Variants in ITSN2 observed in about 807,000 individuals in gnomAD.
ITSN2 encodes intersectin 2.
Under a neutral mutation model 243.7 loss-of-function variants are expected in ITSN2, and 156 were observed. The ratio of observed to expected loss-of-function variants is 0.64; its 90% CI spans 0.56 to 0.73. ITSN2 has a LOEUF of 0.73. Among genes scored for constraint, ITSN2 ranks in the 30% least tolerant of loss-of-function variants. The pLI, the probability that ITSN2 is intolerant of heterozygous loss-of-function variation, is 0.00. For missense variants in ITSN2, 1,801 were observed against 1,996.1 expected (o/e 0.90, Z 1.86); for synonymous variants, 703 against 699.9 (o/e 1.00, Z -0.07).
At chr2:24,304,432 T>C (rs1682215885) in intron 8 of ITSN2, among the ~76,000 whole-genome samples, 1 of 152,256 alleles carries the variant, frequency 6.6e-6, no homozygotes, top group African/African-American at 2.4e-5. Flanking sequence ...AAAGCAACCA[T>C]GTATTACAAC....
At chr2:24,216,017 A>G (rs1669923191) in intron 32 of ITSN2, 32 bp downstream of exon 32, 1 of 1,530,898 alleles carries the variant, frequency 6.5e-7, no homozygotes. Context: ...CCTCAGAAGG[A>G]GCCTGACCCG....
At chr2:24,315,093 G>T in intron 3 of ITSN2, 39 bp downstream of exon 3, 2 of 1,065,958 alleles carry the variant, frequency 1.9e-6, no homozygotes, top group East Asian at 2.4e-5. Context: ...ATCACATAAG[G>T]ACCATAATTC....
rs1009179390 is a variant in ITSN2, at chr2:24,225,973, C to T, written c.3578-4907G>A. Among the ~76,000 whole-genome samples the T allele has an allele frequency of 6.6e-6, 1 of 152,198 alleles. No homozygotes were observed. The highest frequency in any genetic ancestry group is 1.5e-5 in the Non-Finnish European group (1 of 68,042). Reference sequence around the variant, plus strand: ...TAGAGTAGCCCTTAGCAAGCTGTGACCGCTGAACACATGCAGTGTTTCCAT... The same window carrying T: ...TAGAGTAGCCCTTAGCAAGCTGTGATCGCTGAACACATGCAGTGTTTCCAT... On this transcript the variant is annotated intron_variant, in intron 29 of 39. Transcript: ENST00000355123. The surrounding 1 kb of genome is among the most constrained non-coding windows in gnomAD (Gnocchi z 4.2).
rs779651749 is a variant in ITSN2 at position 24,221,058 on chromosome 2, C to T, written c.3586G>A (p.Asp1196Asn). 1 of 1,602,116 alleles carries T rather than the reference C, an allele frequency of 6.2e-7. No individual in the cohort carries two copies. The highest frequency in any genetic ancestry group is 1.8e-5 in the Admixed American group (1 of 56,994). Reference protein sequence around the residue: ...DSDPSQQWCADLQTLDTMQPI... With the variant: ...DSDPSQQWCANLQTLDTMQPI... ...TGCATTGTGTCCAGGGTTTGCAGAT[C>T]AGCACACCCTGTGGAAAAAACAGGG... Residue 1196 changes from aspartate (D) to asparagine (N), a missense_variant, in exon 30 of 40, where the codon GAT (aspartate) becomes AAT (asparagine). By Grantham distance (23) the Asp-to-Asn change is conservative. Coordinates refer to ENST00000355123, the MANE Select transcript of ITSN2 (RefSeq NM_006277.3).
chr2:24,315,357 T>C lies in ITSN2; in HGVS notation c.32-133A>G, dbSNP rs17046235. The C allele has an allele frequency of 3.7e-3, 1,984 of 530,600 alleles. 33 individuals are homozygous for C. The highest frequency in any genetic ancestry group is 0.035 in the African/African-American group (1,834 of 52,414). The allele number at this position is 530,600 out of a possible 1,614,324, so 32.9% of individuals were successfully genotyped here. On this transcript the variant is annotated intron_variant, in intron 2 of 39. Coordinates refer to ENST00000355123, the MANE Select transcript of ITSN2 (RefSeq NM_006277.3). ...ATTTGAGTGACACAAAGAGTAGAGC[T>C]CTATCATAACCATACATAGCACAGC... is the stretch of plus-strand genomic sequence containing the variant.
At position 24,317,385 on chromosome 2, in the gene ITSN2, C is replaced by CAAA. The variant is rs780304772; in HGVS notation, c.32-2164_32-2162dup. On this transcript the variant is annotated intron_variant, in intron 2 of 39. Transcript: ENST00000355123. Reference sequence around the variant, plus strand: ...CGCCGACAAGGGCAAGACGCAATCTCAAAAAAAAAAAAAAAGCGGCAACTA... The same window carrying CAAA: ...CGCCGACAAGGGCAAGACGCAATCTCAAAAAAAAAAAAAAAAAAGCGGCAACTA... Among the ~76,000 whole-genome samples the CAAA allele has an allele frequency of 4.4e-3, 499 of 113,488 alleles. 5 individuals carry two copies. The highest frequency in any genetic ancestry group is 0.016 in the African/African-American group (482 of 30,902). The allele number at this position is 113,488 out of a possible 152,430, so 74.5% of individuals were successfully genotyped here.
chr2:24,318,667 G>A (rs998779447), intron 2 of ITSN2, among the ~76,000 whole-genome samples: 1 of 152,144 alleles, frequency 6.6e-6, no homozygotes, highest in Non-Finnish European at 1.5e-5. Flanking sequence ...GACCTATTGT[G>A]AAAATTCAGG....
chr2:24,331,060 C>T (rs539532341), intron 1 of ITSN2, among the ~76,000 whole-genome samples: 2 of 148,568 alleles, frequency 1.3e-5, no homozygotes, highest in South Asian at 2.1e-4. Flanking sequence ...AGCCACTGCA[C>T]CCGGCCACTT....
At chr2:24,301,352 A>T in intron 10 of ITSN2, 113 bp from the exon 11 acceptor site, 1 of 553,810 alleles carries the variant, frequency 1.8e-6, no homozygotes, top group Non-Finnish European at 3.2e-6. Flanking sequence ...AGTATTAAAG[A>T]TATTTAAAAC....
At chr2:24,282,016 A>G (rs1394864105) in intron 17 of ITSN2, among the ~76,000 whole-genome samples, 3 of 152,194 alleles carry the variant, frequency 2.0e-5, no homozygotes, top group Admixed American at 2.0e-4. Flanking sequence ...GGGTAGAGAA[A>G]GGCGGGTCCC....
chr2:24,345,544 G>A (rs2551137), intron 1 of ITSN2, among the ~76,000 whole-genome samples: 149,140 of 152,298 alleles, frequency 0.98, 73,024 homozygotes, highest in East Asian at 0.99. Context: ...AACAGGATGG[G>A]TAGATCAAAA....
intron 32 of ITSN2, among the ~76,000 whole-genome samples, chr2:24,215,608 A>G (rs1201511164): frequency 2.6e-5 from 4 of 151,300 alleles, no homozygotes; most frequent in African/African-American, 9.7e-5. Context: ...CAGAGGTTGC[A>G]GTGAGCCAAG....
At chr2:24,307,354 A>T (rs1220308848) in intron 8 of ITSN2, among the ~76,000 whole-genome samples, 1 of 145,642 alleles carries the variant, frequency 6.9e-6, no homozygotes, top group Non-Finnish European at 1.5e-5. Flanking sequence ...ATTAAAATGT[A>T]AAAAAAAAAA....
At chr2:24,336,897 T>C (rs566809319) in intron 1 of ITSN2, among the ~76,000 whole-genome samples, 110 of 152,154 alleles carry the variant, frequency 7.2e-4, no homozygotes, top group Non-Finnish European at 7.4e-5. Context: ...AATAATATGG[T>C]TGAGATACCA....
At chr2:24,238,096 C>A (rs1002788057) in intron 29 of ITSN2, among the ~76,000 whole-genome samples, 3 of 152,218 alleles carry the variant, frequency 2.0e-5, no homozygotes, top group South Asian at 2.1e-4. Context: ...ATGGACCTGG[C>A]AGTTGCTTCC....
chr2:24,335,317 T>C (rs1309843520), intron 1 of ITSN2, among the ~76,000 whole-genome samples: 1 of 152,120 alleles, frequency 6.6e-6, no homozygotes, highest in Non-Finnish European at 1.5e-5. Flanking sequence ...AGAAACTACA[T>C]CTCTGATGTA....
intron 29 of ITSN2, chr2:24,238,996 AAC>A (rs1672458102): frequency 1.3e-5 from 2 of 152,378 alleles, no homozygotes; most frequent in Admixed American, 6.5e-5. Flanking sequence ...TAAAAATAAA[AAC>A]AGATTATCTC....
At chr2:24,352,743 A>G (rs1238818993) in intron 1 of ITSN2, among the ~76,000 whole-genome samples, 1 of 152,214 alleles carries the variant, frequency 6.6e-6, no homozygotes, top group Non-Finnish European at 1.5e-5. Context: ...AATTCTATTG[A>G]AGATTTAAAT....
rs941126744 is a variant in ITSN2, at chr2:24,304,752, T to C, written c.794-890A>G. On this transcript the variant is annotated intron_variant, in intron 8 of 39. Coordinates refer to ENST00000355123, the MANE Select transcript of ITSN2 (RefSeq NM_006277.3). ...AAGAAGATCCCTTAGCATCAGGCAA[T>C]AGAGCAAACAGAAGAGAGAAGGAGG... Among the ~76,000 whole-genome samples, 12 of 152,160 alleles carry C rather than the reference T, an allele frequency of 7.9e-5. No individual in the cohort carries two copies. In the South Asian group the frequency reaches 1.7e-3, roughly 21 times the overall value.
Sources: allele counts gnomAD v4.1 joint callset (sites outside exome capture counted in the v4.1 genomes callset), GRCh38; gene constraint gnomAD v4.1.1; non-coding constraint Gnocchi (gnomAD v3.1); transcripts MANE v1.5; gene names NCBI Gene and HGNC (gene_info 2026-07-23, HGNC 2026-07-21).